The following WNT2 variants were observed in gnomAD, a reference collection of about 807,000 sequenced individuals.
WNT2 encodes Wnt family member 2.
Under a neutral mutation model 36.9 loss-of-function variants are expected in WNT2, and 12 were observed. The observed-to-expected ratio is 0.33, with a 90% CI of 0.21 to 0.53. WNT2 has a LOEUF of 0.53. Ranked by LOEUF, WNT2 falls within the 20% of genes least tolerant of loss-of-function variation. The pLI is 0.95. For synonymous variants in WNT2, 163 were observed against 174.6 expected (o/e 0.93, Z 0.52); for missense variants, 379 against 473.1 (o/e 0.80, Z 1.84).
chr7:117,282,340 G>C (rs1322861704), intron 4 of WNT2, among the ~76,000 whole-genome samples: 2 of 152,060 alleles, frequency 1.3e-5, no homozygotes, highest in Admixed American at 1.3e-4. Flanking sequence ...GAAGGTGGTA[G>C]AGGAAGAGGA....
In WNT2 at chr7:117,284,410, C is replaced by T. The variant is rs1794548035; in HGVS notation, c.854-6026G>A. ...GGAGCCACTGACTTTTACCAACTGC[C>T]TATTTGTTTAGTTCTAAATCTTTGG... On this transcript the variant is annotated intron_variant, in intron 4 of 4. Coordinates refer to ENST00000265441, the MANE Select transcript of WNT2 (RefSeq NM_003391.3). The surrounding 1 kb of genome is among the most constrained non-coding windows in gnomAD (Gnocchi z 5.2). Among the ~76,000 whole-genome samples the T allele has an allele frequency of 6.6e-6, 1 of 152,146 alleles. No homozygotes were observed. The highest frequency in any genetic ancestry group is 1.5e-5 in the Non-Finnish European group (1 of 68,024).
intron 4 of WNT2, among the ~76,000 whole-genome samples, chr7:117,293,098 CAG>C (rs1401441796): frequency 1.3e-5 from 2 of 151,406 alleles, no homozygotes; most frequent in African/African-American, 2.4e-5. Flanking sequence ...GTCTGGGCAA[CAG>C]AGCAATAAAA....
At chr7:117,307,012 T>C (rs903640976) in intron 3 of WNT2, among the ~76,000 whole-genome samples, 2 of 152,178 alleles carry the variant, frequency 1.3e-5, no homozygotes, top group Non-Finnish European at 2.9e-5. Context: ...GCCTTTGACC[T>C]GCAGAGGCTA....
chr7:117,278,020 A>C lies in WNT2; in HGVS notation c.*135T>G. 2.0e-6 allele frequency: 2 copies of C among 986,328 alleles called. No individual in the cohort carries two copies. Among genetic ancestry groups the C allele is most frequent in the Non-Finnish European group, 3.0e-6 (2 of 668,940 alleles). The allele number at this position is 986,328 out of a possible 1,614,324, so 61.1% of individuals were successfully genotyped here. Reference sequence around the variant, plus strand: ...CCCATCCTGGGGCCCCCAGGGAGGAAGAGGGGGCTTCCGTTGAGATAAAGG... The same window carrying C: ...CCCATCCTGGGGCCCCCAGGGAGGACGAGGGGGCTTCCGTTGAGATAAAGG... On this transcript the variant is annotated 3_prime_UTR_variant, in exon 5 of 5. Transcript: ENST00000265441.
rs1377266486 is a variant in WNT2 at position 117,301,802 on chromosome 7, C to A, written c.589-3926G>T. Among the ~76,000 whole-genome samples the A allele has an allele frequency of 7.1e-5, 8 of 112,508 alleles. No homozygotes were observed. The East Asian group carries it at 1.2e-3, about 17-fold the overall frequency. 73.8% of individuals were successfully genotyped at this position (112,508 alleles called of 152,430 possible). On this transcript the variant is annotated intron_variant, in intron 3 of 4. Transcript: ENST00000265441. ...ATTATGCATTCTGTTTCCCTCCATT[C>A]TTTTTTTTTTTTTTTTTTTTTTGAG...
In WNT2 at chr7:117,297,638, T is replaced by C; in HGVS notation, c.827A>G (p.Asp276Gly). Reference sequence around the variant, plus strand: ...TGCCTCTCGGTCCCTGATACAGTAGTCTGGAGAATTCTCAAAATACACGAG... The same window carrying C: ...TGCCTCTCGGTCCCTGATACAGTAGCCTGGAGAATTCTCAAAATACACGAG... ...NDLVYFENSP[D>G]YCIRDREAGS... Residue 276 changes from aspartate to glycine, a missense_variant, in exon 4 of 5, where the codon GAC becomes GGC. Asp to Gly is a moderately conservative substitution (Grantham distance 94, BLOSUM62 -1). Coordinates refer to ENST00000265441, the MANE Select transcript of WNT2 (RefSeq NM_003391.3). 1 of 1,613,752 alleles carries C rather than the reference T, an allele frequency of 6.2e-7. No homozygotes were observed. Among genetic ancestry groups the C allele is most frequent in the South Asian group, 1.1e-5 (1 of 91,072 alleles).
chr7:117,278,132 G>A lies in WNT2; in HGVS notation c.*23C>T, dbSNP rs1794413146. The A allele has an allele frequency of 6.2e-7, 1 of 1,612,478 alleles. No homozygotes were observed. The highest frequency in any genetic ancestry group is 2.2e-5 in the East Asian group (1 of 44,876). On this transcript the variant is annotated 3_prime_UTR_variant, in exon 5 of 5. Transcript: ENST00000265441. ...CAATGGAGTCCTTGTAGAAGGGAAGGTGGATGGTGACGCCTGCTGGGGTCA... is the reference window on the plus strand; with the variant it reads ...CAATGGAGTCCTTGTAGAAGGGAAGATGGATGGTGACGCCTGCTGGGGTCA...
chr7:117,278,214 C>T lies in WNT2; in HGVS notation c.1024G>A (p.Ala342Thr), dbSNP rs1026408292. ...GCCTTGCATGTGTGCACATCCAGAGCTTCCAGGCAGTCCTGACAGCGCACG... is the reference window on the plus strand; with the variant it reads ...GCCTTGCATGTGTGCACATCCAGAGTTTCCAGGCAGTCCTGACAGCGCACG... ...CAVRCQDCLE[A>T]LDVHTCKAPK... is the part of the protein sequence containing the mutation. Residue 342 changes from alanine (A) to threonine (T), a missense_variant, in exon 5 of 5, where the codon GCT (alanine) becomes ACT (threonine). Ala to Thr is a moderately conservative substitution (Grantham distance 58, BLOSUM62 0). Transcript: ENST00000265441. 2.5e-6 allele frequency: 4 copies of T among 1,614,124 alleles called. No homozygotes were observed. The highest frequency in any genetic ancestry group is 1.6e-4 in the Middle Eastern group (1 of 6,084).
intron 4 of WNT2, among the ~76,000 whole-genome samples, chr7:117,280,881 G>A (rs1794470199): frequency 1.3e-5 from 2 of 152,228 alleles, no homozygotes; most frequent in Non-Finnish European, 2.9e-5. Flanking sequence ...GCTAGGCACA[G>A]TTCTGGGAAC....
chr7:117,318,800 G>A (rs1795268245), intron 2 of WNT2, among the ~76,000 whole-genome samples: 1 of 152,130 alleles, frequency 6.6e-6, no homozygotes, highest in African/African-American at 2.4e-5. Flanking sequence ...GAGTGAGCCT[G>A]GCTGTTACCT....
chr7:117,309,927 A>G lies in WNT2; in HGVS notation c.588+5144T>C, dbSNP rs573044559. On this transcript the variant is annotated intron_variant, in intron 3 of 4. Transcript: ENST00000265441. ...AAAAATAAAATTCAAAGAGAGGCAA[A>G]TTTCTCACAATTTTCCTAGTAAATC... Among the ~76,000 whole-genome samples the G allele has an allele frequency of 3.9e-5, 6 of 152,202 alleles. No homozygotes were observed. The South Asian group carries it at 6.2e-4, about 16-fold the overall frequency.
At chr7:117,303,338 AC>A (rs1337870419) in intron 3 of WNT2, among the ~76,000 whole-genome samples, 1 of 152,138 alleles carries the variant, frequency 6.6e-6, no homozygotes, top group East Asian at 1.9e-4. Context: ...ATTGTTTCCT[AC>A]CCTATGCCTC....
intron 4 of WNT2, among the ~76,000 whole-genome samples, chr7:117,288,120 T>G (rs907591774): frequency 1.3e-5 from 2 of 152,200 alleles, no homozygotes; most frequent in African/African-American, 4.8e-5. Context: ...TCTGTTAAAA[T>G]GATCTTGCTT....
chr7:117,301,308 C>G (rs564693956), intron 3 of WNT2, among the ~76,000 whole-genome samples: 1 of 151,966 alleles, frequency 6.6e-6, no homozygotes, highest in Non-Finnish European at 1.5e-5. Context: ...AAATTCAAAC[C>G]CTTAACCTTG....
chr7:117,312,494 A>T (rs1340437933), intron 3 of WNT2, among the ~76,000 whole-genome samples: 2 of 152,224 alleles, frequency 1.3e-5, no homozygotes, highest in African/African-American at 4.8e-5. Flanking sequence ...ACCTAAAACT[A>T]TCTTAAAATG....
chr7:117,293,484 G>GA (rs1794730170), intron 4 of WNT2, among the ~76,000 whole-genome samples: 1 of 152,130 alleles, frequency 6.6e-6, no homozygotes, highest in Non-Finnish European at 1.5e-5. Context: ...AGCAAAGAAA[G>GA]AAGCAAAACC....
intron 4 of WNT2, among the ~76,000 whole-genome samples, chr7:117,289,867 C>T (rs1174582293): frequency 2.6e-5 from 4 of 152,056 alleles, no homozygotes; most frequent in Non-Finnish European, 5.9e-5. Flanking sequence ...GATGGAGAAG[C>T]AGATAGGTCC....
intron 4 of WNT2, among the ~76,000 whole-genome samples, chr7:117,283,120 G>C (rs985437513): frequency 1.3e-5 from 2 of 152,136 alleles, no homozygotes; most frequent in Non-Finnish European, 2.9e-5. Context: ...CTGTGACTGT[G>C]GGGCATTCAG....
At chr7:117,289,788 A>C (rs76855548) in intron 4 of WNT2, among the ~76,000 whole-genome samples, 1 of 152,152 alleles carries the variant, frequency 6.6e-6, no homozygotes, top group African/African-American at 2.4e-5. Context: ...CAAATTCGCT[A>C]TACACACTGT....
Sources: allele counts gnomAD v4.1 joint callset (sites outside exome capture counted in the v4.1 genomes callset), GRCh38; gene constraint gnomAD v4.1.1; non-coding constraint Gnocchi (gnomAD v3.1); transcripts MANE v1.5; gene names NCBI Gene and HGNC (gene_info 2026-07-23, HGNC 2026-07-21).